CDH13: variants seen among roughly 807,000 people sequenced by gnomAD.
The protein encoded by CDH13 is cadherin 13.
CDH13 carries 24 observed loss-of-function variants against 63.8 expected under a neutral mutation model. The ratio of observed to expected loss-of-function variants is 0.38; its 90% CI spans 0.27 to 0.53. CDH13 has a LOEUF of 0.53. CDH13 is among the 20% of genes least tolerant of loss of function. The pLI, the probability that CDH13 is intolerant of heterozygous loss-of-function variation, is 0.85. For synonymous variants in CDH13, 503 were observed against 355.3 expected, an observed-to-expected ratio of 1.42 and a Z score of -4.67; for missense variants, 1,049 against 903.1, an observed-to-expected ratio of 1.16 and a Z score of -2.07.
chr16:83,192,693 G>A (rs2151757164), intron 4 of CDH13, among the ~76,000 whole-genome samples: 1 of 152,214 alleles, frequency 6.6e-6, no homozygotes, highest in South Asian at 2.1e-4. Context: ...TTTGCGTGCT[G>A]TATCACCAAG....
At chr16:82,858,056 G>T (rs2039776086) in intron 1 of CDH13, among the ~76,000 whole-genome samples, 1 of 152,176 alleles carries the variant, frequency 6.6e-6, no homozygotes, top group Admixed American at 6.5e-5. Flanking sequence ...AAAATTGACA[G>T]TTTCTGTAAT....
At chr16:82,674,012 C>G (rs930145017) in intron 1 of CDH13, among the ~76,000 whole-genome samples, 3 of 152,324 alleles carry the variant, frequency 2.0e-5, no homozygotes, top group South Asian at 2.1e-4. Context: ...AGGATGTACT[C>G]TAGGGCTCGA....
intron 1 of CDH13, among the ~76,000 whole-genome samples, chr16:82,676,885 T>TGTTTTGTTTC (rs1913980484): frequency 6.7e-6 from 1 of 150,298 alleles, no homozygotes. Flanking sequence ...TGTTTTGTTT[T>TGTTTTGTTTC]GTTTTGTTTT....
chr16:83,161,075 G>T (rs72800240), intron 4 of CDH13, among the ~76,000 whole-genome samples: 1 of 152,018 alleles, frequency 6.6e-6, no homozygotes, highest in African/African-American at 2.4e-5. Context: ...GTTCTTATAC[G>T]TCATACATGA....
intron 3 of CDH13, among the ~76,000 whole-genome samples, chr16:83,040,739 C>T (rs539874902): frequency 1.3e-5 from 2 of 152,276 alleles, no homozygotes; most frequent in South Asian, 4.1e-4. Flanking sequence ...TCCTTCAATC[C>T]AATCGAGTTG....
chr16:82,714,712 TAAAAAAAAAAA>T (rs71146088), intron 1 of CDH13, among the ~76,000 whole-genome samples: 1 of 29,984 alleles, frequency 3.3e-5, no homozygotes, highest in African/African-American at 1.3e-4. Context: ...AGACTCCATC[TAAAAAAAAAAA>T]AAAAAAAAAA....
intron 6 of CDH13, among the ~76,000 whole-genome samples, chr16:83,459,506 A>G (rs779169789): frequency 6.6e-6 from 1 of 152,242 alleles, no homozygotes; most frequent in Non-Finnish European, 1.5e-5. Flanking sequence ...TAAACGGGTG[A>G]AACTAAAAAC....
chr16:82,991,079 G>A (rs865843044), intron 2 of CDH13, among the ~76,000 whole-genome samples: 2 of 152,140 alleles, frequency 1.3e-5, no homozygotes, highest in Non-Finnish European at 2.9e-5. Flanking sequence ...TGCCATCCTT[G>A]ATTTGATAAA....
intron 7 of CDH13, among the ~76,000 whole-genome samples, chr16:83,516,660 C>A (rs983238326): frequency 6.6e-5 from 10 of 152,056 alleles, no homozygotes; most frequent in African/African-American, 2.4e-4. Context: ...AGGCAATGAT[C>A]AGAAGATAAT....
chr16:83,165,371 G>T (rs1036673324), intron 4 of CDH13, among the ~76,000 whole-genome samples: 1 of 152,126 alleles, frequency 6.6e-6, no homozygotes, highest in Non-Finnish European at 1.5e-5. Flanking sequence ...ATTTGTTGTA[G>T]CAAGAGGCTG....
chr16:83,136,714 G>A (rs1041869613), intron 4 of CDH13, among the ~76,000 whole-genome samples: 1 of 152,056 alleles, frequency 6.6e-6, no homozygotes, highest in Non-Finnish European at 1.5e-5. Context: ...TCCGCAGCCT[G>A]AATGCAGACA....
In CDH13 at chr16:83,568,820, C is replaced by G. The variant is rs1904319211; in HGVS notation, c.961-33634C>G. On this transcript the variant is annotated intron_variant, in intron 7 of 13. Coordinates refer to ENST00000567109, the MANE Select transcript of CDH13 (RefSeq NM_001257.5). ...TCCTCGTGATCATCTCCCAAAGCCACTCACTTGCTGTTCTGTCCTTTGAGG... is the reference window on the plus strand; with the variant it reads ...TCCTCGTGATCATCTCCCAAAGCCAGTCACTTGCTGTTCTGTCCTTTGAGG... Among the ~76,000 whole-genome samples the G allele has an allele frequency of 2.0e-5, 3 of 152,186 alleles. 1 individual carries two copies. Among genetic ancestry groups the G allele is most frequent in the Admixed American group, 2.0e-4 (3 of 15,280 alleles).
At chr16:83,633,490 A>C (rs1910963865) in intron 8 of CDH13, among the ~76,000 whole-genome samples, 2 of 152,354 alleles carry the variant, frequency 1.3e-5, no homozygotes, top group Non-Finnish European at 2.9e-5. Flanking sequence ...CTGAGTCAGC[A>C]CAAAAGGCCT....
chr16:83,668,736 G>C (rs1184538019), intron 8 of CDH13, among the ~76,000 whole-genome samples: 1 of 152,204 alleles, frequency 6.6e-6, no homozygotes, highest in African/African-American at 2.4e-5. Context: ...GTCACTAAAC[G>C]ACTTTGGGCA....
intron 2 of CDH13, among the ~76,000 whole-genome samples, chr16:82,946,720 C>CAA (rs55633638): frequency 6.7e-6 from 1 of 148,884 alleles, no homozygotes; most frequent in East Asian, 2.0e-4. Flanking sequence ...AACTCTGTCT[C>CAA]AAAAAAAAGA....
At chr16:83,379,456 A>C (rs566001359) in intron 6 of CDH13, among the ~76,000 whole-genome samples, 22 of 152,300 alleles carry the variant, frequency 1.4e-4, no homozygotes, top group African/African-American at 5.3e-4. Context: ...TTATATATTT[A>C]TGTTTACCTT....
At chr16:83,420,967 C>G (rs1309352282) in intron 6 of CDH13, among the ~76,000 whole-genome samples, 1 of 152,196 alleles carries the variant, frequency 6.6e-6, no homozygotes, top group African/African-American at 2.4e-5. Context: ...ACACCTTCTT[C>G]TGCCTGCTTT....
chr16:83,132,450 CCCCTT>C (rs2036096794), intron 4 of CDH13, among the ~76,000 whole-genome samples: 2 of 101,016 alleles, frequency 2.0e-5, no homozygotes, highest in African/African-American at 8.3e-5. Flanking sequence ...CCAACACCCC[CCCCTT>C]TTTTTTTTTT....
intron 2 of CDH13, among the ~76,000 whole-genome samples, chr16:82,919,027 A>C (rs2151277558): frequency 6.6e-6 from 1 of 152,250 alleles, no homozygotes; most frequent in East Asian, 1.9e-4. Context: ...ACATTTCTTT[A>C]GTAAAATACA....
Sources: allele counts gnomAD v4.1 joint callset (sites outside exome capture counted in the v4.1 genomes callset), GRCh38; gene constraint gnomAD v4.1.1; transcripts MANE v1.5; gene names NCBI Gene and HGNC (gene_info 2026-07-23, HGNC 2026-07-21).